Variants in EGFR observed in about 807,000 individuals in gnomAD.
The protein encoded by EGFR is avian erythroblastic leukemia viral (v-erb-b) oncogene homolog.
A neutral mutation model predicts 143.0 loss-of-function variants in EGFR; 58 were observed. The observed-to-expected ratio is 0.41, with a 90% CI of 0.33 to 0.50. EGFR has a LOEUF of 0.50. Ranked by LOEUF, EGFR falls within the 20% of genes least tolerant of loss-of-function variation. The pLI is 0.39. For missense variants in EGFR, 1,307 were observed against 1,579.0 expected (o/e 0.83, Z 2.92); for synonymous variants, 613 against 594.4 (o/e 1.03, Z -0.45).
intron 1 of EGFR, among the ~76,000 whole-genome samples, chr7:55,066,294 T>A (rs1273407507): frequency 6.6e-6 from 1 of 152,250 alleles, no homozygotes; most frequent in Non-Finnish European, 1.5e-5. Flanking sequence ...TGGCATTTGA[T>A]AACTAATGAG....
chr7:55,093,437 A>C (rs1791249346), intron 1 of EGFR, among the ~76,000 whole-genome samples: 1 of 152,220 alleles, frequency 6.6e-6, no homozygotes, highest in African/African-American at 2.4e-5. Context: ...TCGTAGAGTG[A>C]GCAATGAATG....
At chr7:55,160,372 T>C in intron 12 of EGFR, 34 bp downstream of exon 12, 1 of 1,599,254 alleles carries the variant, frequency 6.3e-7, no homozygotes, top group Non-Finnish European at 8.5e-7. Flanking sequence ...TTTATGGAGT[T>C]GGTTCTAATG....
In EGFR at chr7:55,206,631, T is replaced by C; in HGVS notation, c.*1014T>C. On this transcript the variant is annotated 3_prime_UTR_variant, in exon 28 of 28. Coordinates refer to ENST00000275493, the MANE Select transcript of EGFR (RefSeq NM_005228.5). ...CAGAAGACTACAAAAATGAAGCTGC[T>C]CTGAAATCTCCTTTAGCCATCACCC... 1 of 233,314 alleles carries C rather than the reference T, an allele frequency of 4.3e-6. No homozygotes were observed. Among genetic ancestry groups the C allele is most frequent in the Non-Finnish European group, 8.5e-6 (1 of 118,062 alleles). 14.5% of individuals were successfully genotyped at this position (233,314 alleles called of 1,614,324 possible).
At chr7:55,171,607 G>C (rs897775767) in intron 16 of EGFR, among the ~76,000 whole-genome samples, 2 of 152,052 alleles carry the variant, frequency 1.3e-5, no homozygotes, top group African/African-American at 4.8e-5. Flanking sequence ...CTTTCTGTTC[G>C]ATGACAACCT....
In EGFR at chr7:55,123,428, C is replaced by T. The variant is rs1584097814; in HGVS notation, c.89-18858C>T. Among the ~76,000 whole-genome samples the T allele has an allele frequency of 3.3e-5, 5 of 152,120 alleles. No homozygotes were observed. In the East Asian group the frequency reaches 7.7e-4, roughly 23 times the overall value. ...TATAAAGAAAACTTAACTAAAAATA[C>T]TGCATATCTCTTTCAGATTATATAT... On this transcript the variant is annotated intron_variant, in intron 1 of 27. Coordinates refer to ENST00000275493, the MANE Select transcript of EGFR (RefSeq NM_005228.5).
intron 3 of EGFR, among the ~76,000 whole-genome samples, chr7:55,145,351 G>A (rs963264928): frequency 2.6e-5 from 4 of 152,158 alleles, no homozygotes; most frequent in African/African-American, 9.7e-5. Flanking sequence ...TTCACGGATG[G>A]TTCTGCTGTC....
At chr7:55,183,453 T>C (rs1786986249) in intron 20 of EGFR, among the ~76,000 whole-genome samples, 1 of 152,210 alleles carries the variant, frequency 6.6e-6, no homozygotes, top group African/African-American at 2.4e-5. Context: ...TAACTAGATT[T>C]GCAAAACCCC....
intron 1 of EGFR, among the ~76,000 whole-genome samples, chr7:55,032,682 A>G (rs562411645): frequency 1.1e-4 from 16 of 152,274 alleles, no homozygotes; most frequent in African/African-American, 3.8e-4. Context: ...TGCAGCAGAT[A>G]TTTCTGCTCA....
intron 20 of EGFR, among the ~76,000 whole-genome samples, chr7:55,190,553 T>C (rs1324376834): frequency 1.3e-5 from 2 of 151,968 alleles, no homozygotes; most frequent in Non-Finnish European, 2.9e-5. Flanking sequence ...TGGGAATCCA[T>C]CCACATCTAC....
intron 1 of EGFR, among the ~76,000 whole-genome samples, chr7:55,098,305 G>A (rs1246840323): frequency 1.3e-5 from 2 of 152,296 alleles, no homozygotes; most frequent in East Asian, 3.9e-4. Context: ...GCAGGGATGG[G>A]GCTAGGGGGA....
intron 19 of EGFR, among the ~76,000 whole-genome samples, chr7:55,175,651 A>G (rs900913306): frequency 3.9e-5 from 6 of 152,204 alleles, no homozygotes; most frequent in Admixed American, 2.0e-4. Context: ...AATCGAGGAA[A>G]AGGAAAAATG....
Position 55,028,023 on chromosome 7 carries a change from T to TATAC in EGFR, c.88+8660_88+8663dup, listed in dbSNP as rs1235937918. Among the ~76,000 whole-genome samples, 8 of 110,768 alleles carry TATAC rather than the reference T, an allele frequency of 7.2e-5. 1 individual carries two copies. The highest frequency in any genetic ancestry group is 2.6e-4 in the East Asian group (1 of 3,864). The allele number at this position is 110,768 out of a possible 152,430, so 72.7% of individuals were successfully genotyped here. On this transcript the variant is annotated intron_variant, in intron 1 of 27. Transcript: ENST00000275493. ...ATATATATATATATATATATATATA[T>TATAC]ATACACACACACACACATATGGAGG...
chr7:55,047,499 C>A (rs1788244364), intron 1 of EGFR, among the ~76,000 whole-genome samples: 1 of 152,202 alleles, frequency 6.6e-6, no homozygotes, highest in Non-Finnish European at 1.5e-5. Flanking sequence ...CCTGTAATCC[C>A]AGCACTTTGG....
At chr7:55,177,097 C>A (rs1299605410) in intron 19 of EGFR, among the ~76,000 whole-genome samples, 1 of 152,000 alleles carries the variant, frequency 6.6e-6, no homozygotes, top group East Asian at 1.9e-4. Context: ...CCATGTCCCC[C>A]CTCCTCTCCA....
chr7:55,193,076 G>C (rs1007235019), intron 22 of EGFR, among the ~76,000 whole-genome samples: 3 of 152,084 alleles, frequency 2.0e-5, no homozygotes, highest in Admixed American at 1.3e-4. Context: ...GGCAGGGTGG[G>C]GGGTATGGGA....
intron 1 of EGFR, among the ~76,000 whole-genome samples, chr7:55,135,902 C>A (rs1018996286): frequency 6.6e-6 from 1 of 152,012 alleles, no homozygotes; most frequent in East Asian, 1.9e-4. Context: ...AAATTTTTTA[C>A]AGATTTTTTT....
rs2128935185 is a variant in EGFR, at chr7:55,154,148, TC to T, written c.889del (p.Arg297ValfsTer5). 2.5e-6 allele frequency: 4 copies of T among 1,614,190 alleles called. No individual in the cohort carries two copies. Among genetic ancestry groups the T allele is most frequent in the Non-Finnish European group, 3.4e-6 (4 of 1,180,034 alleles). On this transcript the variant is annotated frameshift_variant, in exon 7 of 28. Transcript: ENST00000275493. LOFTEE classifies it high-confidence loss of function. ...TTGGTGCCACCTGCGTGAAGAAGTG[TC>T]CCCGTGAGTCCTCCTCTGTGGGCCC... ...SFGATCVKKC[P>X]RNYVVTDHGS...
intron 1 of EGFR, chr7:55,119,397 T>C (rs11238352): frequency 0.99 from 151,068 of 152,340 alleles, 74,903 homozygotes; most frequent in Middle Eastern, 1. Flanking sequence ...ATATAGGGGA[T>C]AATGTTGGCT....
intron 1 of EGFR, among the ~76,000 whole-genome samples, chr7:55,090,534 C>T (rs1791048839): frequency 6.6e-6 from 1 of 152,152 alleles, no homozygotes; most frequent in South Asian, 2.1e-4. Flanking sequence ...GATGTTAAAG[C>T]ATAACATGAA....
Sources: allele counts gnomAD v4.1 joint callset (sites outside exome capture counted in the v4.1 genomes callset), GRCh38; gene constraint gnomAD v4.1.1; transcripts MANE v1.5; gene names NCBI Gene and HGNC (gene_info 2026-07-23, HGNC 2026-07-21).